Variants in LUC7L observed in about 807,000 individuals in gnomAD.
The protein encoded by LUC7L is putative RNA-binding protein Luc7-like 1.
Under a neutral mutation model 51.1 loss-of-function variants are expected in LUC7L, and 29 were observed. The ratio of observed to expected loss-of-function variants is 0.57; its 90% CI spans 0.42 to 0.77. The LOEUF (loss-of-function observed/expected upper bound fraction) is 0.77. LUC7L is among the 30% of genes least tolerant of loss of function. The probability of loss-of-function intolerance (pLI) is 0.00; values close to 1 mark genes in which losing one functional copy is unlikely to be tolerated. For synonymous variants in LUC7L, 181 were observed against 180.7 expected (o/e 1.00, Z -0.01); for missense variants, 403 against 511.9 (o/e 0.79, Z 2.05).
At chr16:202,183 A>G (rs1195121832) in intron 5 of LUC7L, among the ~76,000 whole-genome samples, 2 of 152,068 alleles carry the variant, frequency 1.3e-5, no homozygotes, top group African/African-American at 2.4e-5. Flanking sequence ...CCCACCCTCC[A>G]TAAGCTTTTA....
intron 2 of LUC7L, among the ~76,000 whole-genome samples, chr16:226,480 G>C (rs982763348): frequency 1.3e-5 from 2 of 152,096 alleles, no homozygotes; most frequent in African/African-American, 4.8e-5. Context: ...TATCTGTTTT[G>C]TTCATCTGAA....
chr16:225,922 G>A (rs753166109), intron 2 of LUC7L, among the ~76,000 whole-genome samples: 6 of 152,120 alleles, frequency 3.9e-5, no homozygotes, highest in Non-Finnish European at 7.3e-5. Flanking sequence ...AAATCTTCCC[G>A]AGAGTGCACA....
chr16:200,204 T>A (rs2049283081), intron 5 of LUC7L, among the ~76,000 whole-genome samples: 1 of 151,124 alleles, frequency 6.6e-6, no homozygotes, highest in Non-Finnish European at 1.5e-5. Flanking sequence ...AGGCGAATCA[T>A]GGGGTCAGGA....
At chr16:200,912 C>A (rs753730002) in intron 5 of LUC7L, among the ~76,000 whole-genome samples, 3 of 151,876 alleles carry the variant, frequency 2.0e-5, no homozygotes, top group Non-Finnish European at 2.9e-5. Flanking sequence ...AGGCTGGGCA[C>A]AGTGGCTAAC....
chr16:201,133 C>T (rs2049311660), intron 5 of LUC7L, among the ~76,000 whole-genome samples: 1 of 122,614 alleles, frequency 8.2e-6, no homozygotes, highest in African/African-American at 3.1e-5. Flanking sequence ...CGCACCACAG[C>T]AATCCAGCCT....
In LUC7L at chr16:225,360, C is replaced by A. The variant is rs1387729590; in HGVS notation, c.156+1882G>T. Among the ~76,000 whole-genome samples the A allele has an allele frequency of 2.6e-5, 4 of 151,856 alleles. No homozygotes were observed. The East Asian group carries it at 7.9e-4, about 30-fold the overall frequency. On this transcript the variant is annotated intron_variant, in intron 2 of 9. Coordinates refer to ENST00000293872, the MANE Select transcript of LUC7L (RefSeq NM_201412.3). ...AGTTAGCCGGGCGAGGTGGTGCATG[C>A]CTGTAATCCCAGCTACTCGGGAGGC... is the stretch of plus-strand genomic sequence containing the variant.
chr16:229,111 G>A (rs1342712698), intron 1 of LUC7L, 168 bp downstream of exon 1: 5 of 1,412,790 alleles, frequency 3.5e-6, no homozygotes, highest in Admixed American at 3.1e-5. Context: ...CCTCAGAGAC[G>A]CACCGGCTTA....
intron 6 of LUC7L, among the ~76,000 whole-genome samples, chr16:195,976 A>G (rs1242624908): frequency 6.6e-6 from 1 of 152,246 alleles, no homozygotes; most frequent in Non-Finnish European, 1.5e-5. Context: ...GGTCAACTCT[A>G]TGCTGCAATG....
At chr16:222,966 A>G (rs549639858) in intron 2 of LUC7L, among the ~76,000 whole-genome samples, 26 of 151,572 alleles carry the variant, frequency 1.7e-4, no homozygotes, top group African/African-American at 5.8e-4. Flanking sequence ...AAAAAAAAAA[A>G]AAAAGAAAGG....
At chr16:192,134 A>G (rs910906377) in intron 7 of LUC7L, among the ~76,000 whole-genome samples, 1 of 152,110 alleles carries the variant, frequency 6.6e-6, no homozygotes, top group Admixed American at 6.6e-5. Flanking sequence ...CCAGGAGACC[A>G]GCTTCATTTC....
chr16:212,968 TGCCCAGGCTG>T (rs1310211259), intron 3 of LUC7L, among the ~76,000 whole-genome samples: 1 of 152,108 alleles, frequency 6.6e-6, no homozygotes, highest in Non-Finnish European at 1.5e-5. Context: ...GTAGAGACTT[TGCCCAGGCTG>T]GTCTCGAATT....
chr16:226,604 C>CA (rs1298882373), intron 2 of LUC7L, among the ~76,000 whole-genome samples: 1 of 151,910 alleles, frequency 6.6e-6, no homozygotes, highest in African/African-American at 2.4e-5. Flanking sequence ...TTTTAAAAAC[C>CA]AAAAAATTGC....
At chr16:227,763 T>A (rs2050167049) in intron 1 of LUC7L, 1 of 1,003,912 alleles carries the variant, frequency 1.0e-6, no homozygotes, top group Non-Finnish European at 1.2e-6. Flanking sequence ...TATGAACAAA[T>A]GCAGAGGCAG....
At chr16:193,130 G>A in intron 6 of LUC7L, 115 bp from the exon 7 acceptor site, 1 of 833,960 alleles carries the variant, frequency 1.2e-6, no homozygotes, top group Admixed American at 1.8e-5. Context: ...AAATTGAAGG[G>A]ACACTTTTAG....
intron 3 of LUC7L, among the ~76,000 whole-genome samples, chr16:215,759 T>C (rs1232323577): frequency 1.3e-5 from 2 of 151,914 alleles, no homozygotes; most frequent in African/African-American, 2.4e-5. Context: ...GCCGAGATCA[T>C]GCCACTGTAC....
intron 5 of LUC7L, among the ~76,000 whole-genome samples, chr16:203,964 C>T (rs916465488): frequency 2.0e-5 from 3 of 151,510 alleles, no homozygotes; most frequent in Non-Finnish European, 4.4e-5. Context: ...TGCAGTGAGC[C>T]GAGATCACGC....
chr16:196,674 T>A (rs2049157817), intron 6 of LUC7L, among the ~76,000 whole-genome samples: 1 of 150,544 alleles, frequency 6.6e-6, no homozygotes, highest in Admixed American at 6.6e-5. Flanking sequence ...AATACAAATG[T>A]GTACCACCAT....
At chr16:209,113 G>A (rs1455867941) in intron 3 of LUC7L, 1 of 152,124 alleles carries the variant, frequency 6.6e-6, no homozygotes, top group Non-Finnish European at 1.5e-5. Flanking sequence ...GAGCCTCGGA[G>A]GCAGAAGTTG....
Position 205,505 on chromosome 16 carries a change from G to C in LUC7L, c.510+499C>G, listed in dbSNP as rs913418138. ...CTGTGGGCAGATGCTAGGAATGGAGGAGGCTGTCTGAGGAGAGGGTACATG... is the reference window on the plus strand; with the variant it reads ...CTGTGGGCAGATGCTAGGAATGGAGCAGGCTGTCTGAGGAGAGGGTACATG... On this transcript the variant is annotated intron_variant, in intron 5 of 9. Coordinates refer to ENST00000293872, the MANE Select transcript of LUC7L (RefSeq NM_201412.3). Among the ~76,000 whole-genome samples the C allele has an allele frequency of 3.9e-5, 6 of 152,286 alleles. No homozygotes were observed. The East Asian group carries it at 9.6e-4, about 24-fold the overall frequency.
Sources: allele counts gnomAD v4.1 joint callset (sites outside exome capture counted in the v4.1 genomes callset), GRCh38; gene constraint gnomAD v4.1.1; transcripts MANE v1.5; gene names NCBI Gene and HGNC (gene_info 2026-07-23, HGNC 2026-07-21).